ITGA4: variants seen among roughly 807,000 people sequenced by gnomAD.
The protein encoded by ITGA4 is integrin subunit alpha 4.
In ITGA4, 63 loss-of-function variants were observed where a neutral mutation model predicts 133.6. That is an observed-to-expected ratio of 0.47 (90% CI 0.38 to 0.58). The LOEUF is 0.58. Ranked by LOEUF, ITGA4 falls within the 20% of genes least tolerant of loss-of-function variation. ITGA4 has a pLI of 0.00. For synonymous variants in ITGA4, 483 were observed against 438.0 expected, an observed-to-expected ratio of 1.10 and a Z score of -1.28; for missense variants, 1,076 against 1,252.7, an observed-to-expected ratio of 0.86 and a Z score of 2.13.
intron 10 of ITGA4, among the ~76,000 whole-genome samples, chr2:181,490,631 G>A (rs1415881417): frequency 1.3e-5 from 2 of 152,078 alleles, no homozygotes; most frequent in East Asian, 3.9e-4. Context: ...TAGAGCATGG[G>A]AATAGCACAG....
intron 2 of ITGA4, among the ~76,000 whole-genome samples, chr2:181,460,352 T>A (rs943271918): frequency 2.0e-5 from 3 of 152,234 alleles, no homozygotes; most frequent in Non-Finnish European, 4.4e-5. Context: ...TTATTCCTCA[T>A]GTAAAGAAAC....
chr2:181,497,781 C>T (rs1686183862), intron 14 of ITGA4, among the ~76,000 whole-genome samples: 1 of 152,112 alleles, frequency 6.6e-6, no homozygotes, highest in Admixed American at 6.6e-5. Context: ...TTAGATTTAG[C>T]TTGCATGGCA....
Position 181,531,820 on chromosome 2 carries a change from A to G in ITGA4, c.2784+44A>G, listed in dbSNP as rs201966493. 42 of 1,419,986 alleles carry G rather than the reference A, an allele frequency of 3.0e-5. No homozygotes were observed. The African/African-American group carries it at 5.0e-4, about 17-fold the overall frequency. 88.0% of individuals were successfully genotyped at this position (1,419,986 alleles called of 1,614,324 possible). The stretch of plus-strand genomic sequence containing the variant: ...TTGACAACTTGGTGGCTAAGTTTAC[A>G]TAAAATCTATAAATTCAGTCATATA... On this transcript the variant is annotated intron_variant, in intron 25 of 27. Coordinates refer to ENST00000397033, the MANE Select transcript of ITGA4 (RefSeq NM_000885.6).
intron 2 of ITGA4, among the ~76,000 whole-genome samples, chr2:181,471,303 T>G (rs1281126293): frequency 2.0e-5 from 3 of 152,188 alleles, no homozygotes; most frequent in Non-Finnish European, 4.4e-5. Context: ...CTGGGCTGTT[T>G]GTCGGGGGTG....
In ITGA4 at chr2:181,511,665, A is replaced by G. The variant is rs1479528452; in HGVS notation, c.1846-34A>G. The G allele has an allele frequency of 2.5e-6, 3 of 1,200,664 alleles. No homozygotes were observed. The South Asian group carries it at 3.8e-5, about 15-fold the overall frequency. The allele number at this position is 1,200,664 out of a possible 1,614,324, so 74.4% of individuals were successfully genotyped here. A position where few individuals can be genotyped will look rare whatever the true frequency, so the allele number is the denominator to read the frequency against. Reference sequence around the variant, plus strand: ...ATATATAAATATACTTGCTGATTAAATCAAAATAAAAAACGTTGTCTTTTT... The same window carrying G: ...ATATATAAATATACTTGCTGATTAAGTCAAAATAAAAAACGTTGTCTTTTT... On this transcript the variant is annotated intron_variant, in intron 16 of 27. Coordinates refer to ENST00000397033, the MANE Select transcript of ITGA4 (RefSeq NM_000885.6).
chr2:181,482,338 C>T (rs1274195113), intron 7 of ITGA4, 22 bp from the exon 8 acceptor site: 2 of 1,582,208 alleles, frequency 1.3e-6, no homozygotes, highest in African/African-American at 2.7e-5. Context: ...AAAAACTTTT[C>T]TAATTCTTTC....
At chr2:181,479,714 C>G (rs1446902398) in intron 5 of ITGA4, 3 of 152,086 alleles carry the variant, frequency 2.0e-5, no homozygotes, top group Non-Finnish European at 4.4e-5. Flanking sequence ...CATTATTAGT[C>G]AGGGGTTCTT....
chr2:181,519,309 G>A (rs776265342), intron 17 of ITGA4, among the ~76,000 whole-genome samples: 1 of 152,030 alleles, frequency 6.6e-6, no homozygotes, highest in Non-Finnish European at 1.5e-5. Context: ...GACAATAACT[G>A]GAAGAAAAAG....
intron 9 of ITGA4, among the ~76,000 whole-genome samples, chr2:181,484,974 A>G (rs1198356858): frequency 6.6e-6 from 1 of 152,236 alleles, no homozygotes; most frequent in East Asian, 1.9e-4. Flanking sequence ...TTAATACAAA[A>G]GACTGACATG....
intron 10 of ITGA4, among the ~76,000 whole-genome samples, chr2:181,489,206 T>C (rs576505856): frequency 7.0e-4 from 107 of 152,348 alleles, no homozygotes; most frequent in African/African-American, 2.5e-3. Flanking sequence ...ATGCAAATTT[T>C]TGTGGTACTT....
rs376313842 is a variant in ITGA4 at position 181,478,806 on chromosome 2, A to G, written c.606A>G (p.Ile202Met). The G allele has an allele frequency of 2.7e-6, 4 of 1,479,490 alleles. No homozygotes were observed. In the South Asian group the frequency reaches 4.3e-5, roughly 16 times the overall value. 91.6% of individuals were successfully genotyped at this position (1,479,490 alleles called of 1,614,324 possible). The change falls in exon 5 of 28, where the codon ATA (isoleucine) becomes ATG (methionine). Residue 202 changes from isoleucine (I) to methionine (M), a missense_variant. By Grantham distance (10) the Ile-to-Met change is conservative. Transcript: ENST00000397033. ...GENFASCQAG[I>M]SSFYTKDLIV... ...ATTTTGCATCATGTCAAGCTGGAATATCCAGTTTTTACACAAAGGTAATTG... is the reference window on the plus strand; with the variant it reads ...ATTTTGCATCATGTCAAGCTGGAATGTCCAGTTTTTACACAAAGGTAATTG...
At position 181,509,805 on chromosome 2, in the gene ITGA4, AC is replaced by A; in HGVS notation, c.1844del (p.Thr615LysfsTer2). On this transcript the variant is annotated frameshift_variant and splice_region_variant, in exon 16 of 28. Coordinates refer to ENST00000397033, the MANE Select transcript of ITGA4 (RefSeq NM_000885.6). LOFTEE classifies it high-confidence loss of function. The stretch of plus-strand genomic sequence containing the variant: ...GAAAGAAAAAGACATAATGAAAAAA[AC>A]AGTAGGAATATTTTCCTTTATTCAA... ...QKKEKDIMKK[T>X]INFARFCAHE... 6.2e-7 allele frequency: 1 copy of A among 1,600,914 alleles called. No homozygotes were observed. The highest frequency in any genetic ancestry group is 1.3e-5 in the African/African-American group (1 of 74,374).
intron 22 of ITGA4, among the ~76,000 whole-genome samples, chr2:181,528,644 A>G (rs1472038595): frequency 6.6e-6 from 1 of 152,166 alleles, no homozygotes; most frequent in Non-Finnish European, 1.5e-5. Context: ...TCCTGCTGCA[A>G]CTGCCCTGTG....
In ITGA4 at chr2:181,503,970, A is replaced by T. The variant is rs201868474; in HGVS notation, c.1695+5193A>T. Among the ~76,000 whole-genome samples, 24 of 152,202 alleles carry T rather than the reference A, an allele frequency of 1.6e-4. No homozygotes were observed. In the East Asian group the frequency reaches 4.4e-3, roughly 28 times the overall value. ...AGTTTTTAGACATGTTAGAGCAGCC[A>T]TGGTAGTGAAACTTCCCTTGAAATT... is the stretch of plus-strand genomic sequence containing the variant. On this transcript the variant is annotated intron_variant, in intron 15 of 27. Transcript: ENST00000397033.
rs1249543958 is a variant in ITGA4 at position 181,536,548 on chromosome 2, C to CAAGTATAA, written c.*1022_*1029dup. On this transcript the variant is annotated 3_prime_UTR_variant, in exon 28 of 28. Coordinates refer to ENST00000397033, the MANE Select transcript of ITGA4 (RefSeq NM_000885.6). ...GGATGTAATTCTTTGTTACCCTTTA[C>CAAGTATAA]AAGTATAAGTGTTACCTTACATGGA... 2 of 163,382 alleles carry CAAGTATAA rather than the reference C, an allele frequency of 1.2e-5. No homozygotes were observed. Among genetic ancestry groups the CAAGTATAA allele is most frequent in the African/African-American group, 4.8e-5 (2 of 41,398 alleles). 10.1% of individuals were successfully genotyped at this position (163,382 alleles called of 1,614,324 possible).
chr2:181,484,430 T>G (rs1414884735), intron 9 of ITGA4, among the ~76,000 whole-genome samples: 2 of 152,160 alleles, frequency 1.3e-5, no homozygotes, highest in African/African-American at 4.8e-5. Context: ...AGCCATTGCA[T>G]TGTCTTAAGT....
At chr2:181,527,705 C>T (rs1285550497) in intron 22 of ITGA4, among the ~76,000 whole-genome samples, 1 of 140,890 alleles carries the variant, frequency 7.1e-6, no homozygotes, top group Non-Finnish European at 1.7e-5. Flanking sequence ...GAAAACAGGA[C>T]AGGCCAAGGG....
At chr2:181,477,356 TAAAC>T (rs371136812) in intron 4 of ITGA4, among the ~76,000 whole-genome samples, 1 of 151,798 alleles carries the variant, frequency 6.6e-6, no homozygotes, top group Non-Finnish European at 1.5e-5. Context: ...AAAGCAAAAA[TAAAC>T]AAATGAGACT....
At chr2:181,491,755 T>C (rs1192277297) in intron 10 of ITGA4, among the ~76,000 whole-genome samples, 1 of 152,198 alleles carries the variant, frequency 6.6e-6, no homozygotes, top group South Asian at 2.1e-4. Context: ...ACATCCCTCT[T>C]CTCCTCCTCC....
Sources: allele counts gnomAD v4.1 joint callset (sites outside exome capture counted in the v4.1 genomes callset), GRCh38; gene constraint gnomAD v4.1.1; transcripts MANE v1.5; gene names NCBI Gene and HGNC (gene_info 2026-07-23, HGNC 2026-07-21).